Variants in TBC1D5 observed in about 807,000 individuals in gnomAD.
TBC1D5 encodes the protein TBC1 domain family member 5.
Under a neutral mutation model 100.3 loss-of-function variants are expected in TBC1D5, and 75 were observed. That is an observed-to-expected ratio of 0.75 (90% CI 0.62 to 0.91). TBC1D5 has a LOEUF of 0.91. Among genes scored for constraint, TBC1D5 ranks in the 40% least tolerant of loss-of-function variants. TBC1D5 has a pLI of 0.00. For missense variants in TBC1D5, 910 were observed against 942.4 expected, an observed-to-expected ratio of 0.97 and a Z score of 0.45; for synonymous variants, 323 against 325.6, an observed-to-expected ratio of 0.99 and a Z score of 0.09.
rs144957517 is a variant in TBC1D5, at chr3:17,702,694, CGA to C, written c.-101+36647_-101+36648del. ...TTTGATTCATTGTCATCAATATGAA[CGA>C]GATTGATGAACAAAATTTAGCAAGA... On this transcript the variant is annotated intron_variant, in intron 1 of 21. Transcript: ENST00000253692. Among the ~76,000 whole-genome samples the C allele has an allele frequency of 1.3e-4, 20 of 152,110 alleles. No individual in the cohort carries two copies. The East Asian group carries it at 3.7e-3, about 28-fold the overall frequency.
intron 15 of TBC1D5, among the ~76,000 whole-genome samples, chr3:17,262,630 C>T (rs917963895): frequency 2.6e-5 from 4 of 151,508 alleles, no homozygotes; most frequent in East Asian, 3.9e-4. Context: ...TACAAGCGCC[C>T]GCCACTACGC....
chr3:17,389,255 A>G (rs974517733), intron 8 of TBC1D5, among the ~76,000 whole-genome samples: 8 of 152,064 alleles, frequency 5.3e-5, no homozygotes, highest in African/African-American at 1.9e-4. Flanking sequence ...TAGAGACTTT[A>G]TCAGATTCAG....
chr3:17,357,077 ATGTTT>A (rs1248872685), intron 13 of TBC1D5, among the ~76,000 whole-genome samples: 1 of 152,128 alleles, frequency 6.6e-6, no homozygotes, highest in Non-Finnish European at 1.5e-5. Context: ...AACTCTTCCC[ATGTTT>A]TATTTTGCCT....
intron 3 of TBC1D5, among the ~76,000 whole-genome samples, chr3:17,463,438 T>G (rs979424007): frequency 6.6e-6 from 1 of 152,172 alleles, no homozygotes. Flanking sequence ...AGTTTGCAAG[T>G]CAGTAGTCAA....
chr3:17,345,645 CA>C (rs1264369676), intron 13 of TBC1D5, among the ~76,000 whole-genome samples: 1 of 151,458 alleles, frequency 6.6e-6, no homozygotes, highest in Non-Finnish European at 1.5e-5. Flanking sequence ...GCACTATTCA[CA>C]ATAGCAAAGA....
At chr3:17,508,482 T>C (rs1419821343) in exon 3 of TBC1D5, 2 of 1,613,298 alleles carry the variant, frequency 1.2e-6, no homozygotes, top group South Asian at 2.2e-5. Context: ...ACCTCCAGAC[T>C]TGTTAGAGTA....
intron 13 of TBC1D5, among the ~76,000 whole-genome samples, chr3:17,366,681 T>C (rs1321754361): frequency 6.6e-6 from 1 of 152,130 alleles, no homozygotes; most frequent in Non-Finnish European, 1.5e-5. Flanking sequence ...TATAATCTTT[T>C]AGGTGGATAA....
At chr3:17,728,139 T>C (rs2076272223) in intron 1 of TBC1D5, among the ~76,000 whole-genome samples, 2 of 152,120 alleles carry the variant, frequency 1.3e-5, no homozygotes, top group Non-Finnish European at 2.9e-5. Context: ...CACACACGCA[T>C]ACCCACACAC....
intron 3 of TBC1D5, among the ~76,000 whole-genome samples, chr3:17,431,375 A>C (rs2149401634): frequency 6.6e-6 from 1 of 152,148 alleles, no homozygotes; most frequent in African/African-American, 2.4e-5. Context: ...AAAATAATTT[A>C]ACTAATCTGC....
intron 13 of TBC1D5, among the ~76,000 whole-genome samples, chr3:17,362,951 T>C (rs983816280): frequency 2.6e-5 from 4 of 152,294 alleles, no homozygotes; most frequent in South Asian, 2.1e-4. Flanking sequence ...ATCCTTTCCA[T>C]GCCCTTTTAT....
At chr3:17,578,177 A>G (rs2096669462) in intron 2 of TBC1D5, among the ~76,000 whole-genome samples, 1 of 152,102 alleles carries the variant, frequency 6.6e-6, no homozygotes, top group Non-Finnish European at 1.5e-5. Context: ...GCATGCATAC[A>G]TTGATAAATT....
chr3:17,656,785 AATG>A (rs1323614812), intron 1 of TBC1D5, among the ~76,000 whole-genome samples: 1 of 152,008 alleles, frequency 6.6e-6, no homozygotes, highest in Non-Finnish European at 1.5e-5. Flanking sequence ...TTCGCTAGAA[AATG>A]ATGAACTAGA....
At chr3:17,214,321 A>C (rs1431957249) in exon 18 of TBC1D5, 6 of 1,613,048 alleles carry the variant, frequency 3.7e-6, no homozygotes, top group Non-Finnish European at 5.1e-6. Flanking sequence ...CTCTTCCTCC[A>C]GGCAAACTCT....
At chr3:17,595,059 T>C (rs574888401) in intron 2 of TBC1D5, among the ~76,000 whole-genome samples, 1 of 152,226 alleles carries the variant, frequency 6.6e-6, no homozygotes, top group African/African-American at 2.4e-5. Flanking sequence ...AAAGAGAGAC[T>C]GGCCTAGCCT....
intron 1 of TBC1D5, among the ~76,000 whole-genome samples, chr3:17,679,516 A>G (rs775880577): frequency 1.2e-4 from 18 of 151,570 alleles, no homozygotes; most frequent in Non-Finnish European, 1.6e-4. Context: ...ATCTTAAATT[A>G]ACTTTGCTGT....
At chr3:17,455,470 G>GTA (rs1170493309) in intron 3 of TBC1D5, among the ~76,000 whole-genome samples, 1 of 143,726 alleles carries the variant, frequency 7.0e-6, no homozygotes, top group African/African-American at 2.6e-5. Context: ...ATATATATGT[G>GTA]TATATATATG....
chr3:17,444,186 C>A (rs989723376), intron 3 of TBC1D5, among the ~76,000 whole-genome samples: 1 of 151,712 alleles, frequency 6.6e-6, no homozygotes, highest in East Asian at 1.9e-4. Flanking sequence ...AAAAGCAATG[C>A]AAACTACATT....
intron 1 of TBC1D5, among the ~76,000 whole-genome samples, chr3:17,725,962 C>A (rs533690531): frequency 1.3e-5 from 2 of 152,282 alleles, no homozygotes; most frequent in South Asian, 2.1e-4. Context: ...TGAGAACATG[C>A]AGTATCTGGT....
chr3:17,343,285 A>G (rs1302312089), intron 13 of TBC1D5, among the ~76,000 whole-genome samples: 4 of 151,516 alleles, frequency 2.6e-5, no homozygotes, highest in Non-Finnish European at 4.4e-5. Context: ...ATTTGCGTAT[A>G]TTGAACCAGC....
Sources: gnomAD v4.1 joint callset for allele counts (sites outside exome capture counted in the v4.1 genomes callset) on GRCh38, gnomAD v4.1.1 for gene constraint, MANE v1.5 for transcripts, NCBI Gene and HGNC (gene_info 2026-07-23, HGNC 2026-07-21) for gene names.